Variants in DCC observed in about 807,000 individuals in gnomAD.
DCC encodes DCC netrin 1 receptor, also known as netrin receptor DCC.
Under a neutral mutation model 172.5 loss-of-function variants are expected in DCC, and 58 were observed. The observed-to-expected ratio is 0.34, with a 90% CI of 0.27 to 0.42. The LOEUF is 0.42. DCC is among the 10% of genes least tolerant of loss of function. The pLI is 1.00. For missense variants in DCC, 1,740 were observed against 1,791.0 expected, an observed-to-expected ratio of 0.97 and a Z score of 0.51; for synonymous variants, 709 against 644.5, an observed-to-expected ratio of 1.10 and a Z score of -1.52.
At chr18:52,590,802 GA>G (rs1395614717) in intron 1 of DCC, among the ~76,000 whole-genome samples, 2 of 152,210 alleles carry the variant, frequency 1.3e-5, no homozygotes, top group Non-Finnish European at 2.9e-5. Flanking sequence ...TACAAAGTAA[GA>G]TACACAGATA....
intron 16 of DCC, among the ~76,000 whole-genome samples, chr18:53,390,575 G>A: frequency 6.6e-6 from 1 of 152,262 alleles, no homozygotes; most frequent in South Asian, 2.1e-4. Context: ...CTTAGAATAT[G>A]CACTACATAA....
chr18:53,523,322 T>C (rs971738784), intron 27 of DCC, among the ~76,000 whole-genome samples: 3 of 152,140 alleles, frequency 2.0e-5, no homozygotes, highest in Admixed American at 2.0e-4. Flanking sequence ...GGTGGGAGTG[T>C]AAATTAGTTC....
chr18:52,428,479 C>T (rs1987516260), intron 1 of DCC, among the ~76,000 whole-genome samples: 1 of 152,092 alleles, frequency 6.6e-6, no homozygotes, highest in Admixed American at 6.6e-5. Context: ...CAAGGAGATA[C>T]ATTTGACTTG....
At chr18:52,761,028 C>T (rs896533084) in intron 2 of DCC, among the ~76,000 whole-genome samples, 1 of 152,130 alleles carries the variant, frequency 6.6e-6, no homozygotes, top group Non-Finnish European at 1.5e-5. Flanking sequence ...CAGTCTAATA[C>T]ATTGGTCATT....
At chr18:53,423,646 C>A (rs1347067487) in intron 21 of DCC, among the ~76,000 whole-genome samples, 1 of 152,110 alleles carries the variant, frequency 6.6e-6, no homozygotes, top group African/African-American at 2.4e-5. Context: ...CCTTTCTTGT[C>A]TTTTATTCAC....
At chr18:52,957,472 G>C (rs1280417600) in intron 5 of DCC, among the ~76,000 whole-genome samples, 2 of 152,076 alleles carry the variant, frequency 1.3e-5, no homozygotes, top group Admixed American at 1.3e-4. Context: ...CAAGAGAAGA[G>C]TGTTTTTAAC....
At chr18:52,582,637 C>G (rs1379542350) in intron 1 of DCC, among the ~76,000 whole-genome samples, 1 of 152,136 alleles carries the variant, frequency 6.6e-6, no homozygotes, top group Non-Finnish European at 1.5e-5. Flanking sequence ...TTCTCCATCA[C>G]TTTGTGGGAA....
At chr18:53,447,688 CCTAA>C (rs1413909315) in intron 22 of DCC, among the ~76,000 whole-genome samples, 4 of 152,142 alleles carry the variant, frequency 2.6e-5, no homozygotes, top group South Asian at 4.2e-4. Context: ...CTATGAGATC[CCTAA>C]CTATCTTCCT....
At chr18:53,094,836 C>A (rs934863190) in intron 7 of DCC, among the ~76,000 whole-genome samples, 1 of 152,002 alleles carries the variant, frequency 6.6e-6, no homozygotes, top group Non-Finnish European at 1.5e-5. Flanking sequence ...TTTTTCTAAT[C>A]TCATTTAATA....
At chr18:52,448,747 G>A (rs960520625) in intron 1 of DCC, among the ~76,000 whole-genome samples, 56 of 152,142 alleles carry the variant, frequency 3.7e-4, no homozygotes, top group African/African-American at 1.3e-3. Context: ...GGAGACCCAG[G>A]TCATTCTGAA....
chr18:53,327,354 T>C lies in DCC; in HGVS notation c.2164+5197T>C, dbSNP rs112916325. On this transcript the variant is annotated intron_variant, in intron 14 of 28. Coordinates refer to ENST00000442544, the MANE Select transcript of DCC (RefSeq NM_005215.4). ...TCATTAGAATTCCCTAGGGTTTTCA[T>C]GTAAATGTCTTGCATAAAGAAATGA... Among the ~76,000 whole-genome samples the C allele has an allele frequency of 7.0e-4, 107 of 152,214 alleles. 1 individual carries two copies. In the South Asian group the frequency reaches 7.5e-3, roughly 11 times the overall value.
chr18:53,233,889 G>A (rs1169058441), intron 12 of DCC, among the ~76,000 whole-genome samples: 4 of 151,808 alleles, frequency 2.6e-5, no homozygotes, highest in Admixed American at 2.6e-4. Context: ...CGAGTTGGGT[G>A]GATCACCTGC....
At chr18:53,371,982 G>C (rs1019807485) in intron 15 of DCC, among the ~76,000 whole-genome samples, 7 of 152,012 alleles carry the variant, frequency 4.6e-5, no homozygotes, top group African/African-American at 1.2e-4. Context: ...ATGAGGTTGT[G>C]GAGAGAAAGA....
At chr18:52,749,511 T>C (rs2036962959) in intron 1 of DCC, among the ~76,000 whole-genome samples, 1 of 152,200 alleles carries the variant, frequency 6.6e-6, no homozygotes, top group African/African-American at 2.4e-5. Context: ...TAATCACTAA[T>C]GCAAGTTACT....
intron 1 of DCC, among the ~76,000 whole-genome samples, chr18:52,616,798 C>A (rs2034390034): frequency 6.6e-6 from 1 of 151,858 alleles, no homozygotes; most frequent in Admixed American, 6.6e-5. Flanking sequence ...GAGAAGTTAA[C>A]AATAGTGAAA....
chr18:52,926,728 T>C (rs956228153), intron 5 of DCC, among the ~76,000 whole-genome samples: 12 of 150,794 alleles, frequency 8.0e-5, no homozygotes, highest in African/African-American at 2.9e-4. Flanking sequence ...TTCGTTGATA[T>C]CTGAGATAAA....
At chr18:52,483,873 T>A (rs916120407) in intron 1 of DCC, among the ~76,000 whole-genome samples, 3 of 152,232 alleles carry the variant, frequency 2.0e-5, no homozygotes, top group Admixed American at 2.0e-4. Flanking sequence ...TCTGCTTTTA[T>A]TATCTTTTCT....
chr18:52,603,732 T>C (rs1009877649), intron 1 of DCC, among the ~76,000 whole-genome samples: 1 of 151,438 alleles, frequency 6.6e-6, no homozygotes, highest in Non-Finnish European at 1.5e-5. Context: ...ACTGCAAACA[T>C]TAGGCCTGAA....
rs12953901 is a variant in DCC, at chr18:53,196,467, T to A, written c.1574-8749T>A. On this transcript the variant is annotated intron_variant, in intron 9 of 28. Coordinates refer to ENST00000442544, the MANE Select transcript of DCC (RefSeq NM_005215.4). ...TCTGAGCTGTCTTCCTGAAAGACCTTATCTGGAGGTCAATTCTTGTAATCC... is the reference window on the plus strand; with the variant it reads ...TCTGAGCTGTCTTCCTGAAAGACCTAATCTGGAGGTCAATTCTTGTAATCC... Among the ~76,000 whole-genome samples the A allele has an allele frequency of 1.4e-3, 206 of 152,310 alleles. 2 individuals are homozygous for A. Among genetic ancestry groups the A allele is most frequent in the South Asian group, 0.012 (59 of 4,830 alleles).
Sources: gnomAD v4.1 joint callset for allele counts (sites outside exome capture counted in the v4.1 genomes callset) on GRCh38, gnomAD v4.1.1 for gene constraint, MANE v1.5 for transcripts, NCBI Gene and HGNC (gene_info 2026-07-23, HGNC 2026-07-21) for gene names.